The following PSTPIP2 variants were observed in gnomAD, a reference collection of about 807,000 sequenced individuals.
PSTPIP2 encodes proline-serine-threonine phosphatase interacting protein 2.
A neutral mutation model predicts 63.3 loss-of-function variants in PSTPIP2; 33 were observed. That is an observed-to-expected ratio of 0.52 (90% CI 0.40 to 0.70). The LOEUF (loss-of-function observed/expected upper bound fraction) is 0.70. Among genes scored for constraint, PSTPIP2 ranks in the 30% least tolerant of loss-of-function variants. The pLI is 0.00. For synonymous variants in PSTPIP2, 125 were observed against 132.7 expected (o/e 0.94, Z 0.40); for missense variants, 312 against 400.7 (o/e 0.78, Z 1.89).
At chr18:45,999,660 G>A in intron 6 of PSTPIP2, 126 bp from the exon 7 acceptor site, 2 of 836,418 alleles carry the variant, frequency 2.4e-6, no homozygotes, top group Non-Finnish European at 3.8e-6. Context: ...TTGTCACTAA[G>A]CCATGGGCTC....
intron 2 of PSTPIP2, among the ~76,000 whole-genome samples, chr18:46,026,594 G>T (rs572114783): frequency 1.6e-4 from 25 of 152,350 alleles, no homozygotes; most frequent in Admixed American, 1.5e-3. Context: ...TACAGGCTGG[G>T]CATGGGTGCA....
intron 2 of PSTPIP2, among the ~76,000 whole-genome samples, chr18:46,034,055 C>T (rs1568224199): frequency 6.6e-6 from 1 of 152,180 alleles, no homozygotes; most frequent in Non-Finnish European, 1.5e-5. Flanking sequence ...GTCATTCCCA[C>T]CCTGGCAATC....
intron 5 of PSTPIP2, among the ~76,000 whole-genome samples, chr18:46,007,145 GTTCC>G (rs2051737220): frequency 6.6e-6 from 1 of 152,236 alleles, no homozygotes; most frequent in African/African-American, 2.4e-5. Context: ...TTCAAATGTA[GTTCC>G]TTCCAGACAG....
At chr18:46,053,044 C>CAA (rs1261580037) in intron 1 of PSTPIP2, among the ~76,000 whole-genome samples, 1 of 152,126 alleles carries the variant, frequency 6.6e-6, no homozygotes, top group Non-Finnish European at 1.5e-5. Context: ...AAGTAATCTC[C>CAA]AAGTTTACAC....
intron 1 of PSTPIP2, among the ~76,000 whole-genome samples, chr18:46,050,386 A>G (rs982410778): frequency 1.3e-5 from 2 of 152,118 alleles, no homozygotes; most frequent in Non-Finnish European, 2.9e-5. Context: ...CCTAAGAAAC[A>G]TGGCAAAACC....
intron 2 of PSTPIP2, among the ~76,000 whole-genome samples, chr18:46,032,058 T>C (rs1907804756): frequency 1.3e-5 from 2 of 152,146 alleles, no homozygotes; most frequent in South Asian, 4.1e-4. Context: ...TAAATCACGC[T>C]TGAATAAGTA....
intron 14 of PSTPIP2, among the ~76,000 whole-genome samples, chr18:45,987,712 G>T (rs1330911215): frequency 1.3e-5 from 2 of 152,178 alleles, no homozygotes; most frequent in Non-Finnish European, 2.9e-5. Flanking sequence ...TGGGGTAAAA[G>T]AATGATACTT....
chr18:46,009,450 T>C (rs1038429608), intron 5 of PSTPIP2, among the ~76,000 whole-genome samples: 3 of 150,284 alleles, frequency 2.0e-5, no homozygotes, highest in Non-Finnish European at 4.4e-5. Flanking sequence ...GTAATTACAA[T>C]TTTATTAATA....
chr18:46,005,732 T>C (rs538631013), intron 5 of PSTPIP2, among the ~76,000 whole-genome samples: 2 of 152,328 alleles, frequency 1.3e-5, no homozygotes, highest in East Asian at 3.9e-4. Context: ...TTTGAACTTG[T>C]GCAGGCAAAC....
chr18:46,007,654 A>T (rs1439808601), intron 5 of PSTPIP2, among the ~76,000 whole-genome samples: 1 of 128,584 alleles, frequency 7.8e-6, no homozygotes, highest in Non-Finnish European at 1.8e-5. Flanking sequence ...TATAGTTGGG[A>T]GCTGCTACTA....
chr18:46,001,561 T>A (rs1205031687), intron 6 of PSTPIP2, among the ~76,000 whole-genome samples: 1 of 152,174 alleles, frequency 6.6e-6, no homozygotes, highest in African/African-American at 2.4e-5. Flanking sequence ...AAGTGTTCAA[T>A]TCAGTGGTAT....
chr18:46,046,453 C>T (rs1324224808), intron 1 of PSTPIP2, among the ~76,000 whole-genome samples: 1 of 152,224 alleles, frequency 6.6e-6, no homozygotes, highest in Non-Finnish European at 1.5e-5. Flanking sequence ...ATCACTCAGG[C>T]AGCTTGTTAA....
chr18:46,028,058 G>A (rs1907645856), intron 2 of PSTPIP2, among the ~76,000 whole-genome samples: 1 of 152,198 alleles, frequency 6.6e-6, no homozygotes, highest in Non-Finnish European at 1.5e-5. Flanking sequence ...CTACTCAAGA[G>A]GCTGAGGCAG....
chr18:46,030,908 A>G (rs960073798), intron 2 of PSTPIP2, among the ~76,000 whole-genome samples: 14 of 152,212 alleles, frequency 9.2e-5, no homozygotes, highest in Non-Finnish European at 1.6e-4. Context: ...TTATTTCTGT[A>G]TAGACAACTT....
chr18:46,006,890 C>T (rs2051735022), intron 5 of PSTPIP2, among the ~76,000 whole-genome samples: 1 of 152,186 alleles, frequency 6.6e-6, no homozygotes, highest in Non-Finnish European at 1.5e-5. Flanking sequence ...CTATCACTCC[C>T]ATTTTCCTGA....
At position 46,067,988 on chromosome 18, in the gene PSTPIP2, C is replaced by CT. The variant is rs570526352; in HGVS notation, c.33+4167dup. Among the ~76,000 whole-genome samples, 10 of 151,962 alleles carry CT rather than the reference C, an allele frequency of 6.6e-5. No homozygotes were observed. In the East Asian group the frequency reaches 1.9e-3, roughly 29 times the overall value. ...AGACTCTGTGGTGTTAACCTGTATTCTTTCTGTATTTTTTTTTTAAAGCAG... is the reference window on the plus strand; with the variant it reads ...AGACTCTGTGGTGTTAACCTGTATTCTTTTCTGTATTTTTTTTTTAAAGCAG... On this transcript the variant is annotated intron_variant, in intron 1 of 14. Coordinates refer to ENST00000409746, the MANE Select transcript of PSTPIP2 (RefSeq NM_024430.4).
chr18:46,066,379 A>C (rs898640368), intron 1 of PSTPIP2, among the ~76,000 whole-genome samples: 12 of 152,190 alleles, frequency 7.9e-5, no homozygotes, highest in Non-Finnish European at 1.6e-4. Context: ...TTTCATGTTG[A>C]GACTCATCTT....
intron 3 of PSTPIP2, among the ~76,000 whole-genome samples, chr18:46,019,921 C>T (rs752633844): frequency 2.0e-5 from 3 of 152,134 alleles, no homozygotes; most frequent in African/African-American, 4.8e-5. Context: ...GAAAAAAAGA[C>T]GGGTATGATA....
At chr18:46,010,780 G>T (rs2051786299) in intron 5 of PSTPIP2, 1 of 178,986 alleles carries the variant, frequency 5.6e-6, no homozygotes, top group African/African-American at 2.3e-5. Flanking sequence ...ATGGTCTTCA[G>T]GGGGAGCGGG....
Sources: gnomAD v4.1 joint callset for allele counts (sites outside exome capture counted in the v4.1 genomes callset) on GRCh38, gnomAD v4.1.1 for gene constraint, MANE v1.5 for transcripts, NCBI Gene and HGNC (gene_info 2026-07-23, HGNC 2026-07-21) for gene names.